HPSE2: variants seen among roughly 807,000 people sequenced by gnomAD.
HPSE2 encodes the protein inactive heparanase-2.
HPSE2 carries 38 observed loss-of-function variants against 60.5 expected under a neutral mutation model. The ratio of observed to expected loss-of-function variants is 0.63; its 90% CI spans 0.48 to 0.82. The LOEUF (loss-of-function observed/expected upper bound fraction) is 0.82. Among genes scored for constraint, HPSE2 ranks in the 40% least tolerant of loss-of-function variants. The pLI is 0.00. For missense variants in HPSE2, 713 were observed against 740.4 expected, an observed-to-expected ratio of 0.96 and a Z score of 0.43; for synonymous variants, 295 against 293.2, an observed-to-expected ratio of 1.01 and a Z score of -0.06.
chr10:98,937,904 G>A (rs1447668019), intron 3 of HPSE2, among the ~76,000 whole-genome samples: 3 of 143,464 alleles, frequency 2.1e-5, no homozygotes, highest in Admixed American at 6.9e-5. Flanking sequence ...CCAGAGGAAC[G>A]ATCAGACAGC....
the HPSE2 span, among the ~76,000 whole-genome samples, chr10:99,245,027 C>A: frequency 6.6e-6 from 1 of 152,070 alleles, no homozygotes; most frequent in Non-Finnish European, 1.5e-5. Flanking sequence ...TATTGACATG[C>A]TGATGACTCT....
chr10:98,725,783 A>G (rs11189783), intron 4 of HPSE2, among the ~76,000 whole-genome samples: 22,185 of 152,162 alleles, frequency 0.15, 1,963 homozygotes, highest in Admixed American at 0.23. Flanking sequence ...GAACTCAAAC[A>G]AATTTGCAAG....
intron 3 of HPSE2, among the ~76,000 whole-genome samples, chr10:98,782,916 T>TTA: frequency 8.5e-6 from 1 of 118,120 alleles, no homozygotes. Context: ...TTGTTTATTT[T>TTA]TTTTTTTTTA....
intron 2 of HPSE2, among the ~76,000 whole-genome samples, chr10:99,171,827 AAACTT>A (rs1235451961): frequency 6.6e-6 from 1 of 152,144 alleles, no homozygotes; most frequent in Non-Finnish European, 1.5e-5. Context: ...CTAAAAAAAA[AAACTT>A]AACCTCTTTG....
intron 3 of HPSE2, among the ~76,000 whole-genome samples, chr10:98,886,951 C>A (rs577871222): frequency 6.6e-6 from 1 of 152,170 alleles, no homozygotes; most frequent in South Asian, 2.1e-4. Context: ...GTGGTCAGAT[C>A]TTTCTCAATC....
intron 8 of HPSE2, among the ~76,000 whole-genome samples, chr10:98,618,958 T>A (rs1296034797): frequency 6.6e-6 from 1 of 152,194 alleles, no homozygotes; most frequent in African/African-American, 2.4e-5. Context: ...GAACCACGCT[T>A]GCTGACATTG....
At chr10:99,101,012 C>T (rs1423732802) in intron 3 of HPSE2, among the ~76,000 whole-genome samples, 11 of 152,152 alleles carry the variant, frequency 7.2e-5, no homozygotes, top group African/African-American at 1.4e-4. Context: ...AAGGAACAAC[C>T]GGTACCAGCC....
At chr10:99,231,194 T>A (rs1849633389) in intron 2 of HPSE2, among the ~76,000 whole-genome samples, 1 of 152,152 alleles carries the variant, frequency 6.6e-6, no homozygotes, top group Non-Finnish European at 1.5e-5. Flanking sequence ...TACATTCCAA[T>A]ACCTCTCCAG....
At chr10:98,753,822 G>A (rs1949816569) in intron 3 of HPSE2, among the ~76,000 whole-genome samples, 1 of 152,070 alleles carries the variant, frequency 6.6e-6, no homozygotes, top group Non-Finnish European at 1.5e-5. Context: ...AAACCTTCAA[G>A]GGCATCAAAG....
intron 3 of HPSE2, among the ~76,000 whole-genome samples, chr10:98,966,533 C>G (rs1955818638): frequency 6.6e-6 from 1 of 152,114 alleles, no homozygotes. Context: ...GAAGTAGCAG[C>G]ATGGAAGCTG....
intron 9 of HPSE2, among the ~76,000 whole-genome samples, chr10:98,567,728 G>A (rs1250581438): frequency 3.4e-5 from 5 of 145,328 alleles, no homozygotes; most frequent in East Asian, 2.1e-4. Context: ...TATTTCCTTC[G>A]TGTTTCTCTA....
intron 3 of HPSE2, among the ~76,000 whole-genome samples, chr10:98,779,481 A>T (rs1950417542): frequency 6.6e-6 from 1 of 152,174 alleles, no homozygotes; most frequent in African/African-American, 2.4e-5. Flanking sequence ...TCACCCCTTT[A>T]TTCAGGGGAT....
chr10:98,623,184 T>G (rs898469321), intron 7 of HPSE2, among the ~76,000 whole-genome samples: 3 of 152,176 alleles, frequency 2.0e-5, no homozygotes, highest in Non-Finnish European at 4.4e-5. Context: ...AAATGAACCT[T>G]GAAAACATTA....
intron 2 of HPSE2, among the ~76,000 whole-genome samples, chr10:99,173,665 C>T (rs1272114591): frequency 6.6e-6 from 1 of 152,006 alleles, no homozygotes; most frequent in African/African-American, 2.4e-5. Flanking sequence ...TGCAAGAGGC[C>T]AGGCGCGGTG....
chr10:99,001,458 T>C (rs1956775424), intron 3 of HPSE2, among the ~76,000 whole-genome samples: 1 of 152,128 alleles, frequency 6.6e-6, no homozygotes, highest in South Asian at 2.1e-4. Context: ...GAGGTAGTCC[T>C]AGTGCTACCA....
chr10:99,132,171 AAG>A (rs777117568), intron 3 of HPSE2, among the ~76,000 whole-genome samples: 37,389 of 62,520 alleles, frequency 0.6, 9,306 homozygotes, highest in South Asian at 0.7. Flanking sequence ...GAAAGAAAGA[AAG>A]AAAGAAAGAA....
At chr10:98,803,679 A>C (rs1013467803) in intron 3 of HPSE2, among the ~76,000 whole-genome samples, 54 of 150,740 alleles carry the variant, frequency 3.6e-4, no homozygotes, top group African/African-American at 1.3e-3. Context: ...CCATTGATCT[A>C]TATCTCTGTT....
intron 3 of HPSE2, among the ~76,000 whole-genome samples, chr10:99,072,559 C>T (rs185202813): frequency 6.6e-6 from 1 of 152,266 alleles, no homozygotes; most frequent in Non-Finnish European, 1.5e-5. Context: ...AAAAGCTCAA[C>T]ATCACTGATC....
At chr10:98,480,455 T>A (rs1042400040) in intron 11 of HPSE2, among the ~76,000 whole-genome samples, 1 of 152,134 alleles carries the variant, frequency 6.6e-6, no homozygotes, top group East Asian at 1.9e-4. Flanking sequence ...GTTGAACATA[T>A]GACATATCGC....
Sources: gnomAD v4.1 joint callset for allele counts (sites outside exome capture counted in the v4.1 genomes callset) on GRCh38, gnomAD v4.1.1 for gene constraint, MANE v1.5 for transcripts, NCBI Gene and HGNC (gene_info 2026-07-23, HGNC 2026-07-21) for gene names.